HGD: variants seen among roughly 807,000 people sequenced by gnomAD.
The protein encoded by HGD is homogentisate oxidase.
In HGD, 61 loss-of-function variants were observed where a neutral mutation model predicts 60.8. That is an observed-to-expected ratio of 1.00 (90% CI 0.82 to 1.24). The LOEUF is 1.24. Among genes scored for constraint, HGD ranks in the 50% most tolerant of loss-of-function variants. The probability of loss-of-function intolerance (pLI) is 0.00; values close to 1 mark genes in which losing one functional copy is unlikely to be tolerated. For missense variants in HGD, 542 were observed against 547.1 expected (o/e 0.99, Z 0.09); for synonymous variants, 212 against 187.7 (o/e 1.13, Z -1.06).
At chr3:120,680,507 G>A (rs1708212319) in intron 1 of HGD, among the ~76,000 whole-genome samples, 1 of 152,188 alleles carries the variant, frequency 6.6e-6, no homozygotes, top group Non-Finnish European at 1.5e-5. Context: ...ATGACAGCAG[G>A]ATAGGATTTT....
At chr3:120,645,264 G>C (rs1033659418) in intron 9 of HGD, among the ~76,000 whole-genome samples, 7 of 152,172 alleles carry the variant, frequency 4.6e-5, no homozygotes, top group African/African-American at 1.7e-4. Flanking sequence ...AGGTGAACAG[G>C]ATGACAGACG....
Position 120,675,876 on chromosome 3 carries a change from A to G in HGD, c.16-13T>C. On this transcript the variant is annotated splice_polypyrimidine_tract_variant and intron_variant, in intron 1 of 13. Coordinates refer to ENST00000283871, the MANE Select transcript of HGD (RefSeq NM_000187.4). ...ATCCAGAAATGTACTGTAGGTGACAAAGACACAAATGCCACCATTAGCAGG... is the reference window on the plus strand; with the variant it reads ...ATCCAGAAATGTACTGTAGGTGACAGAGACACAAATGCCACCATTAGCAGG... 6 of 1,605,708 alleles carry G rather than the reference A, an allele frequency of 3.7e-6. No individual in the cohort carries two copies. Among genetic ancestry groups the G allele is most frequent in the Non-Finnish European group, 5.1e-6 (6 of 1,172,366 alleles).
chr3:120,630,807 T>C (rs1940562561), intron 13 of HGD, among the ~76,000 whole-genome samples: 1 of 79,694 alleles, frequency 1.3e-5, no homozygotes, highest in Non-Finnish European at 2.4e-5. Context: ...TTTATATATA[T>C]ATATATATAT....
chr3:120,636,209 G>A (rs537101221), intron 12 of HGD, among the ~76,000 whole-genome samples: 2 of 151,908 alleles, frequency 1.3e-5, no homozygotes, highest in African/African-American at 4.8e-5. Context: ...GAGCCTGGGG[G>A]GTGGAGGTTG....
rs17140409 is a variant in HGD at position 120,678,666 on chromosome 3, G to C, written c.16-2803C>G. Reference sequence around the variant, plus strand: ...ACCAAGAGGTGTGAGTTCTGAATCCGTTTCTCAATCTTAGCTGCAGGGCAT... The same window carrying C: ...ACCAAGAGGTGTGAGTTCTGAATCCCTTTCTCAATCTTAGCTGCAGGGCAT... On this transcript the variant is annotated intron_variant, in intron 1 of 13. Coordinates refer to ENST00000283871, the MANE Select transcript of HGD (RefSeq NM_000187.4). Among the ~76,000 whole-genome samples the C allele has an allele frequency of 3.6e-3, 541 of 152,310 alleles. 3 individuals are homozygous for C. Among genetic ancestry groups the C allele is most frequent in the South Asian group, 0.013 (64 of 4,820 alleles).
chr3:120,668,346 T>G (rs1245764007), intron 4 of HGD, among the ~76,000 whole-genome samples: 1 of 152,044 alleles, frequency 6.6e-6, no homozygotes, highest in East Asian at 1.9e-4. Context: ...TTTCCATAAT[T>G]AAGACAAGAG....
At chr3:120,668,150 T>C (rs1378149604) in intron 4 of HGD, among the ~76,000 whole-genome samples, 1 of 152,230 alleles carries the variant, frequency 6.6e-6, no homozygotes, top group Non-Finnish European at 1.5e-5. Flanking sequence ...GTCTGCTTTA[T>C]GCATTAAACT....
In HGD at chr3:120,647,886, A is replaced by T; in HGVS notation, c.460T>A (p.Phe154Ile). Residue 154 changes from phenylalanine to isoleucine, a missense_variant, in exon 7 of 14, where the codon TTC (phenylalanine) becomes ATC (isoleucine). This residue lies in a region of HGD where 537 missense variants were observed against 529.1 expected (regional missense o/e 1.01). Transcript: ENST00000283871. ...AGTCTTCAGAACTCACCAATCAAGA[A>T]GTCCCCATCTGAATTGTAAAAGCAT... Reference protein sequence around the residue: ...NRCFYNSDGDFLIVPQKGNLL... With the variant: ...NRCFYNSDGDILIVPQKGNLL... 1 of 1,612,518 alleles carries T rather than the reference A, an allele frequency of 6.2e-7. No homozygotes were observed. Among genetic ancestry groups the T allele is most frequent in the Non-Finnish European group, 8.5e-7 (1 of 1,178,466 alleles).
chr3:120,647,890 C>T lies in HGD; in HGVS notation c.456G>A (p.Gly152=). The change falls in exon 7 of 14, where the codon GGG becomes GGA. Residue 152 remains glycine, a synonymous_variant. Transcript: ENST00000283871. The part of the protein sequence containing the change: ...MENRCFYNSD[G]DFLIVPQKGN... ...TTCAGAACTCACCAATCAAGAAGTC[C>T]CCATCTGAATTGTAAAAGCATCTGA... 7 of 1,612,396 alleles carry T rather than the reference C, an allele frequency of 4.3e-6. No individual in the cohort carries two copies. Among genetic ancestry groups the T allele is most frequent in the Non-Finnish European group, 5.9e-6 (7 of 1,178,420 alleles).
chr3:120,680,092 C>T (rs1047236123), intron 1 of HGD, among the ~76,000 whole-genome samples: 1 of 152,130 alleles, frequency 6.6e-6, no homozygotes, highest in Non-Finnish European at 1.5e-5. Flanking sequence ...GCAAGTTCTT[C>T]GTTTTAGAAA....
chr3:120,632,307 G>C (rs528384144), intron 13 of HGD, among the ~76,000 whole-genome samples: 8 of 152,228 alleles, frequency 5.3e-5, no homozygotes, highest in Middle Eastern at 3.4e-3. Context: ...AGCATTGAAG[G>C]CATTTATTTT....
chr3:120,672,126 C>T (rs2107551269), intron 3 of HGD, among the ~76,000 whole-genome samples: 1 of 152,288 alleles, frequency 6.6e-6, no homozygotes, highest in South Asian at 2.1e-4. Context: ...GCATCCTGCA[C>T]CTATACCCTG....
At chr3:120,669,670 T>G (rs1476130636) in intron 4 of HGD, among the ~76,000 whole-genome samples, 1 of 152,200 alleles carries the variant, frequency 6.6e-6, no homozygotes, top group South Asian at 2.1e-4. Context: ...GCAACCAATC[T>G]GGCTATTTCT....
At position 120,633,287 on chromosome 3, in the gene HGD, A is replaced by C; in HGVS notation, c.1048T>G (p.Tyr350Asp). The C allele has an allele frequency of 6.2e-7, 1 of 1,614,142 alleles. No individual in the cohort carries two copies. Among genetic ancestry groups the C allele is most frequent in the African/African-American group, 1.3e-5 (1 of 75,032 alleles). ...AGGAACCCACCTTGCTTTGCCTCAT[A>C]GTGACCTCGGATGAGTCCCATGAAC... ...SEFMGLIRGH[Y>D]EAKQGGFLPG... The change falls in exon 13 of 14, where the codon TAT becomes GAT. Residue 350 changes from tyrosine to aspartate, a missense_variant. Tyr to Asp is a radical substitution (Grantham distance 160). Around this residue, in one of 2 missense-constraint regions of HGD, gnomAD observed 537 missense variants for 529.1 expected, o/e 1.01. Transcript: ENST00000283871.
rs551389613 is a variant in HGD at position 120,632,329 on chromosome 3, C to A, written c.1188+818G>T. On this transcript the variant is annotated intron_variant, in intron 13 of 13. Transcript: ENST00000283871. ...AAGGCATTTATTTTCAAAAGTAAAG[C>A]AAATTTGCATGTGATTTAGCATAAA... Among the ~76,000 whole-genome samples the A allele has an allele frequency of 1.5e-4, 23 of 152,234 alleles. No individual in the cohort carries two copies. The East Asian group carries it at 3.7e-3, about 24-fold the overall frequency.
At chr3:120,662,717 CAA>C (rs2107536102) in intron 4 of HGD, among the ~76,000 whole-genome samples, 1 of 152,186 alleles carries the variant, frequency 6.6e-6, no homozygotes, top group African/African-American at 2.4e-5. Flanking sequence ...ATCTCTAAGG[CAA>C]AGAGAATCCA....
rs1319020166 is a variant in HGD, at chr3:120,652,469, G to A, written c.342+123C>T. ...GCCAGCCCCCAAAGCATACGCAGGTGGTTTTGTCTCTGCTGCCTCCTGATA... is the reference window on the plus strand; with the variant it reads ...GCCAGCCCCCAAAGCATACGCAGGTAGTTTTGTCTCTGCTGCCTCCTGATA... On this transcript the variant is annotated intron_variant, in intron 5 of 13. Transcript: ENST00000283871. 5.5e-6 allele frequency: 4 copies of A among 732,724 alleles called. No individual in the cohort carries two copies. The African/African-American group carries it at 6.9e-5, about 13-fold the overall frequency. The allele number at this position is 732,724 out of a possible 1,614,324, so 45.4% of individuals were successfully genotyped here.
intron 10 of HGD, among the ~76,000 whole-genome samples, chr3:120,642,349 G>A (rs1941011287): frequency 6.6e-6 from 1 of 152,162 alleles, no homozygotes; most frequent in African/African-American, 2.4e-5. Flanking sequence ...AGGGTTAACT[G>A]GAATGACTAG....
chr3:120,634,250 T>C (rs185822422), intron 12 of HGD, among the ~76,000 whole-genome samples: 244 of 152,334 alleles, frequency 1.6e-3, no homozygotes, highest in Admixed American at 4.4e-3. Context: ...TGAGTTAAAT[T>C]CATTGGTCCT....
Sources: allele counts gnomAD v4.1 joint callset (sites outside exome capture counted in the v4.1 genomes callset), GRCh38; gene constraint gnomAD v4.1.1; regional missense constraint gnomAD v4.1.1; transcripts MANE v1.5; gene names NCBI Gene and HGNC (gene_info 2026-07-23, HGNC 2026-07-21).